Variants in MAP2K1 observed in about 807,000 individuals in gnomAD.
MAP2K1 encodes mitogen-activated protein kinase kinase 1, also known as dual specificity mitogen-activated protein kinase kinase 1.
MAP2K1 carries 16 observed loss-of-function variants against 46.3 expected under a neutral mutation model. That is an observed-to-expected ratio of 0.35 (90% CI 0.23 to 0.52). The LOEUF (loss-of-function observed/expected upper bound fraction) is 0.52, where lower values mean the gene tolerates loss of function less well. MAP2K1 is among the 20% of genes least tolerant of loss of function. The pLI is 0.94. For missense variants in MAP2K1, 263 were observed against 497.1 expected, an observed-to-expected ratio of 0.53 and a Z score of 4.48; for synonymous variants, 183 against 185.6, an observed-to-expected ratio of 0.99 and a Z score of 0.11.
At chr15:66,391,788 C>T (rs981733060) in intron 1 of MAP2K1, among the ~76,000 whole-genome samples, 7 of 152,140 alleles carry the variant, frequency 4.6e-5, no homozygotes, top group Non-Finnish European at 8.8e-5. Context: ...ACCCACTCAA[C>T]CATTCTAAGA....
chr15:66,481,105 T>C (rs1401799337), intron 5 of MAP2K1, among the ~76,000 whole-genome samples: 3 of 152,114 alleles, frequency 2.0e-5, no homozygotes, highest in African/African-American at 7.2e-5. Flanking sequence ...TTAAGGCCTC[T>C]CACATTCCAG....
chr15:66,490,746 G>A lies in MAP2K1; in HGVS notation c.*131G>A, dbSNP rs1893229028. The A allele has an allele frequency of 1.4e-6, 1 of 736,242 alleles. No homozygotes were observed. Among genetic ancestry groups the A allele is most frequent in the East Asian group, 2.6e-5 (1 of 38,586 alleles). 45.6% of individuals were successfully genotyped at this position (736,242 alleles called of 1,614,324 possible). A position where few individuals can be genotyped will look rare whatever the true frequency, so the allele number is the denominator to read the frequency against. ...TGACAAAGGATGAAGAACACAGCAT[G>A]TGCCAAGATTCTACTCTTGTCATTT... On this transcript the variant is annotated 3_prime_UTR_variant, in exon 11 of 11. Coordinates refer to ENST00000307102, the MANE Select transcript of MAP2K1 (RefSeq NM_002755.4).
chr15:66,438,477 C>G (rs1291015882), intron 3 of MAP2K1, among the ~76,000 whole-genome samples: 1 of 152,094 alleles, frequency 6.6e-6, no homozygotes, highest in East Asian at 1.9e-4. Context: ...TAGGTGGCAT[C>G]CTTATTCTGG....
chr15:66,443,570 C>A (rs1891777224), intron 4 of MAP2K1, among the ~76,000 whole-genome samples: 1 of 25,568 alleles, frequency 3.9e-5, no homozygotes, highest in South Asian at 2.6e-3. Flanking sequence ...ATATTAAAAT[C>A]TGTGTGTCTT....
chr15:66,392,349 T>C (rs555263592), intron 1 of MAP2K1, among the ~76,000 whole-genome samples: 4 of 144,744 alleles, frequency 2.8e-5, no homozygotes, highest in African/African-American at 1.0e-4. Context: ...CTGCTAAGTT[T>C]TGATTGTTTT....
chr15:66,392,984 T>G (rs1457290821), intron 1 of MAP2K1, among the ~76,000 whole-genome samples: 1 of 152,220 alleles, frequency 6.6e-6, no homozygotes, highest in African/African-American at 2.4e-5. Flanking sequence ...TTTATTTCTC[T>G]AGAATTAGAC....
chr15:66,392,265 T>TTTG (rs1555412524), intron 1 of MAP2K1, among the ~76,000 whole-genome samples: 2 of 133,574 alleles, frequency 1.5e-5, no homozygotes, highest in Admixed American at 7.6e-5. Flanking sequence ...GTTTTTTTTT[T>TTTG]TTTTTTTTTT....
At chr15:66,467,201 T>C (rs1892489697) in intron 5 of MAP2K1, among the ~76,000 whole-genome samples, 1 of 152,006 alleles carries the variant, frequency 6.6e-6, no homozygotes, top group South Asian at 2.1e-4. Context: ...GTCATTGCAT[T>C]CCAGCCTGGT....
chr15:66,445,517 A>G (rs952374476), intron 5 of MAP2K1, among the ~76,000 whole-genome samples: 9 of 152,282 alleles, frequency 5.9e-5, no homozygotes, highest in African/African-American at 1.9e-4. Context: ...AAGATAAAAT[A>G]TAACATGCAT....
intron 5 of MAP2K1, among the ~76,000 whole-genome samples, chr15:66,476,469 T>A (rs1892757278): frequency 6.6e-6 from 1 of 152,106 alleles, no homozygotes; most frequent in Non-Finnish European, 1.5e-5. Context: ...ACTAGGCATC[T>A]AGGAGTAGAG....
intron 7 of MAP2K1, among the ~76,000 whole-genome samples, chr15:66,486,852 A>G (rs777440690): frequency 2.6e-5 from 4 of 152,228 alleles, no homozygotes; most frequent in Non-Finnish European, 5.9e-5. Context: ...GACAAAAGGA[A>G]GAAACGCAAC....
intron 5 of MAP2K1, among the ~76,000 whole-genome samples, chr15:66,468,636 A>T (rs1039783288): frequency 2.0e-5 from 3 of 152,128 alleles, no homozygotes; most frequent in Non-Finnish European, 4.4e-5. Flanking sequence ...ATGCTTTTAA[A>T]AAAAATTTTT....
At chr15:66,387,909 T>G (rs1035825560) in intron 1 of MAP2K1, among the ~76,000 whole-genome samples, 1 of 152,214 alleles carries the variant, frequency 6.6e-6, no homozygotes, top group Admixed American at 6.5e-5. Flanking sequence ...GAGTGCCTTG[T>G]TGCAGGCCAA....
intron 1 of MAP2K1, among the ~76,000 whole-genome samples, chr15:66,428,000 C>A (rs931837979): frequency 6.6e-6 from 1 of 151,952 alleles, no homozygotes; most frequent in Non-Finnish European, 1.5e-5. Flanking sequence ...GGCAACAGGG[C>A]AAGACTCTGT....
chr15:66,396,489 C>T (rs182956750), intron 1 of MAP2K1, among the ~76,000 whole-genome samples: 98 of 150,506 alleles, frequency 6.5e-4, no homozygotes, highest in Admixed American at 3.2e-3. Flanking sequence ...AGGCTGGTCT[C>T]GAACTCCTGA....
At chr15:66,420,912 C>T (rs1189481321) in intron 1 of MAP2K1, among the ~76,000 whole-genome samples, 1 of 130,370 alleles carries the variant, frequency 7.7e-6, no homozygotes, top group African/African-American at 2.9e-5. Context: ...TACATACACA[C>T]ACATACATAC....
intron 5 of MAP2K1, among the ~76,000 whole-genome samples, chr15:66,472,430 C>T (rs12913727): frequency 0.056 from 8,552 of 152,228 alleles, 341 homozygotes; most frequent in Middle Eastern, 0.11. Context: ...GTTTTGTTAT[C>T]AGAAGAGTTT....
intron 1 of MAP2K1, among the ~76,000 whole-genome samples, chr15:66,413,273 G>C (rs960870686): frequency 1.3e-5 from 2 of 152,158 alleles, no homozygotes; most frequent in Non-Finnish European, 2.9e-5. Flanking sequence ...ATTCTGGGCT[G>C]GTGTCTAGGA....
chr15:66,455,857 T>C (rs1012679336), intron 5 of MAP2K1, among the ~76,000 whole-genome samples: 1 of 152,222 alleles, frequency 6.6e-6, no homozygotes, highest in Non-Finnish European at 1.5e-5. Context: ...GTTCTGTTAT[T>C]ATACAGAACA....
Sources: gnomAD v4.1 joint callset for allele counts (sites outside exome capture counted in the v4.1 genomes callset) on GRCh38, gnomAD v4.1.1 for gene constraint, MANE v1.5 for transcripts, NCBI Gene and HGNC (gene_info 2026-07-23, HGNC 2026-07-21) for gene names.